Variants in C11orf65 observed in about 807,000 individuals in gnomAD.
The protein encoded by C11orf65 is chromosome 11 open reading frame 65, also known as protein MFI.
A neutral mutation model predicts 35.3 loss-of-function variants in C11orf65; 38 were observed. The observed-to-expected ratio is 1.08, with a 90% CI of 0.83 to 1.41. C11orf65 has a LOEUF of 1.41. Among genes scored for constraint, C11orf65 ranks in the 40% most tolerant of loss-of-function variants. The pLI is 0.00. For missense variants in C11orf65, 370 were observed against 367.1 expected (o/e 1.01, Z -0.06); for synonymous variants, 105 against 114.4 (o/e 0.92, Z 0.53).
chr11:108,323,680 T>A (rs1452550763), intron 6 of C11orf65, among the ~76,000 whole-genome samples: 1 of 152,178 alleles, frequency 6.6e-6, no homozygotes, highest in African/African-American at 2.4e-5. Context: ...TGTACAACTA[T>A]TATGTATCCA....
At chr11:108,461,219 T>C (rs993994031) in intron 2 of C11orf65, among the ~76,000 whole-genome samples, 3 of 152,098 alleles carry the variant, frequency 2.0e-5, no homozygotes, top group African/African-American at 7.2e-5. Context: ...CTGGCCAACA[T>C]GGTGAAACCC....
chr11:108,319,580 C>G (rs1360428428), intron 6 of C11orf65, among the ~76,000 whole-genome samples: 1 of 152,142 alleles, frequency 6.6e-6, no homozygotes, highest in African/African-American at 2.4e-5. Flanking sequence ...TTGTTACTTT[C>G]CAATACTTAT....
chr11:108,450,845 G>C lies in C11orf65; in HGVS notation c.81+10634C>G, dbSNP rs755617172. The stretch of plus-strand genomic sequence containing the variant: ...GGCTTCATCCCTGGGATGCAAGGCT[G>C]GTTCAACGTACACAAATCAATAAAT... On this transcript the variant is annotated intron_variant, in intron 2 of 8. Coordinates refer to ENST00000393084, the MANE Select transcript of C11orf65 (RefSeq NM_152587.5). Among the ~76,000 whole-genome samples the C allele has an allele frequency of 2.0e-5, 3 of 151,830 alleles. No individual in the cohort carries two copies. The East Asian group carries it at 5.8e-4, about 29-fold the overall frequency.
At chr11:108,435,868 A>G (rs2093052456) in intron 2 of C11orf65, among the ~76,000 whole-genome samples, 2 of 152,142 alleles carry the variant, frequency 1.3e-5, no homozygotes, top group African/African-American at 4.8e-5. Flanking sequence ...AATCCCTGTA[A>G]TCTGTAATGT....
chr11:108,343,846 A>G lies in C11orf65; in HGVS notation c.227-8554T>C, dbSNP rs1249919229. Among the ~76,000 whole-genome samples, 3 of 152,204 alleles carry G rather than the reference A, an allele frequency of 2.0e-5. 1 individual carries two copies. Among genetic ancestry groups the G allele is most frequent in the Non-Finnish European group, 4.4e-5 (3 of 68,036 alleles). On this transcript the variant is annotated intron_variant, in intron 2 of 3. Coordinates refer to the C11orf65 transcript ENST00000524755. ...TGAAGTAATTTTTTATGAAACTGATATAGAAAACCTTCTGAGACATTTACA... is the reference window on the plus strand; with the variant it reads ...TGAAGTAATTTTTTATGAAACTGATGTAGAAAACCTTCTGAGACATTTACA...
chr11:108,355,361 C>CT (rs1304815149), intron 2 of C11orf65: 1 of 178,968 alleles, frequency 5.6e-6, no homozygotes, highest in Non-Finnish European at 1.2e-5. Flanking sequence ...TCTCTGCTGT[C>CT]TTAACTTTGG....
chr11:108,459,770 C>CACACACACACA (rs3221698), intron 2 of C11orf65, among the ~76,000 whole-genome samples: 16 of 140,584 alleles, frequency 1.1e-4, no homozygotes, highest in South Asian at 2.4e-4. Context: ...CACACACACA[C>CACACACACACA]CTCTTTATTT....
Position 108,393,283 on chromosome 11 carries a change from T to C in C11orf65, c.656A>G (p.Asp219Gly). The C allele has an allele frequency of 6.2e-7, 1 of 1,614,096 alleles. No homozygotes were observed. Among genetic ancestry groups the C allele is most frequent in the Non-Finnish European group, 8.5e-7 (1 of 1,179,996 alleles). The change falls in exon 7 of 9, where the codon GAT becomes GGT. Residue 219 changes from aspartate to glycine, a missense_variant. Coordinates refer to ENST00000393084, the MANE Select transcript of C11orf65 (RefSeq NM_152587.5). ...ATKGLIRAFE[D>G]GGIDSVMEWE... ...TTCCATCACAGAATCTATCCCCCCATCTTCAAAAGCTCTAATCAGCCCCTT... is the reference window on the plus strand; with the variant it reads ...TTCCATCACAGAATCTATCCCCCCACCTTCAAAAGCTCTAATCAGCCCCTT...
intron 2 of C11orf65, chr11:108,366,020 A>T (rs750207793): frequency 1.9e-4 from 30 of 157,608 alleles, no homozygotes; most frequent in Non-Finnish European, 3.2e-4. Flanking sequence ...CAAGAGCGAA[A>T]CTCCATCTCA....
rs1591621516 is a variant in C11orf65 at position 108,461,517 on chromosome 11, C to T, written c.43G>A (p.Ala15Thr). ...CAGGCCTGCTGAATGACTCTGGCAGCCTTATCCTGCTTTGTAAATTCTGAT... is the reference window on the plus strand; with the variant it reads ...CAGGCCTGCTGAATGACTCTGGCAGTCTTATCCTGCTTTGTAAATTCTGAT... ...EESEFTKQDK[A>T]ARVIQQAWKS... is the part of the protein sequence containing the mutation. The change falls in exon 2 of 9, where the codon GCT (alanine) becomes ACT (threonine). Residue 15 changes from alanine to threonine, a missense_variant. Ala to Thr is a moderately conservative substitution (Grantham distance 58). Transcript: ENST00000393084. The T allele has an allele frequency of 6.2e-7, 1 of 1,610,500 alleles. No homozygotes were observed. The highest frequency in any genetic ancestry group is 8.5e-7 in the Non-Finnish European group (1 of 1,178,508).
At chr11:108,450,663 T>C (rs956530467) in intron 2 of C11orf65, among the ~76,000 whole-genome samples, 5 of 146,922 alleles carry the variant, frequency 3.4e-5, no homozygotes, top group African/African-American at 1.3e-4. Flanking sequence ...TTAGGAGATA[T>C]ACCTAATGCT....
intron 2 of C11orf65, among the ~76,000 whole-genome samples, chr11:108,335,610 G>T (rs1299303541): frequency 6.6e-6 from 1 of 152,150 alleles, no homozygotes; most frequent in Non-Finnish European, 1.5e-5. Flanking sequence ...TCCTAGGGGG[G>T]ACTTCCAGTT....
At chr11:108,363,558 T>TGGG (rs1393681222) in intron 2 of C11orf65, among the ~76,000 whole-genome samples, 1 of 152,138 alleles carries the variant, frequency 6.6e-6, no homozygotes, top group Non-Finnish European at 1.5e-5. Flanking sequence ...GAGATGAGGA[T>TGGG]AGTATTGGCA....
chr11:108,354,513 T>C (rs2089642887), intron 2 of C11orf65, among the ~76,000 whole-genome samples: 1 of 152,244 alleles, frequency 6.6e-6, no homozygotes, highest in Non-Finnish European at 1.5e-5. Context: ...CAGTGTAAAC[T>C]AATAATTGCC....
At chr11:108,383,820 TTTC>T (rs1414661417) in intron 8 of C11orf65, among the ~76,000 whole-genome samples, 1 of 152,102 alleles carries the variant, frequency 6.6e-6, no homozygotes, top group East Asian at 1.9e-4. Flanking sequence ...ATCCTATATC[TTTC>T]TTCTTTTCAC....
intron 6 of C11orf65, among the ~76,000 whole-genome samples, chr11:108,317,674 C>CACACACTA (rs1348508969): frequency 9.3e-5 from 12 of 129,314 alleles, no homozygotes; most frequent in Admixed American, 1.6e-4. Context: ...CACACACACA[C>CACACACTA]TATATATATA....
chr11:108,331,162 T>C, downstream of C11orf65: 1 of 1,121,202 alleles, frequency 8.9e-7, no homozygotes, highest in Non-Finnish European at 1.1e-6. Flanking sequence ...CACATTTGTC[T>C]TCCTTAGATT....
At chr11:108,417,409 T>A (rs1290276556) in intron 3 of C11orf65, among the ~76,000 whole-genome samples, 1 of 151,982 alleles carries the variant, frequency 6.6e-6, no homozygotes, top group Non-Finnish European at 1.5e-5. Context: ...CCGGGCGTGG[T>A]GGCACATGCC....
downstream of C11orf65, chr11:108,329,320 C>T: frequency 8.0e-7 from 1 of 1,244,974 alleles, no homozygotes; most frequent in East Asian, 2.5e-5. Flanking sequence ...GTGACTTGGT[C>T]TTTTTATCTG....
Sources: allele counts gnomAD v4.1 joint callset (sites outside exome capture counted in the v4.1 genomes callset), GRCh38; gene constraint gnomAD v4.1.1; transcripts MANE v1.5; gene names NCBI Gene and HGNC (gene_info 2026-07-23, HGNC 2026-07-21).